The following KIF2A variants were observed in gnomAD, a reference collection of about 807,000 sequenced individuals.
KIF2A encodes the protein kinesin-like protein KIF2A.
Under a neutral mutation model 100.2 loss-of-function variants are expected in KIF2A, and 22 were observed. That is an observed-to-expected ratio of 0.22 (90% CI 0.16 to 0.31). The LOEUF is 0.31. Among genes scored for constraint, KIF2A ranks in the 10% least tolerant of loss-of-function variants. The pLI, the probability that KIF2A is intolerant of heterozygous loss-of-function variation, is 1.00. For synonymous variants in KIF2A, 268 were observed against 285.9 expected (o/e 0.94, Z 0.63); for missense variants, 495 against 898.7 (o/e 0.55, Z 5.74).
chr5:62,385,454 C>CTTA (rs1561285345), intron 20 of KIF2A, 30 bp from the exon 21 acceptor site: 2 of 1,477,504 alleles, frequency 1.4e-6, no homozygotes, highest in Admixed American at 3.9e-5. Flanking sequence ...TAATACAATA[C>CTTA]TTATTCCCTC....
At chr5:62,319,802 C>A (rs555233790) in intron 1 of KIF2A, among the ~76,000 whole-genome samples, 104 of 152,242 alleles carry the variant, frequency 6.8e-4, no homozygotes, top group South Asian at 1.5e-3. Context: ...TTAATGTATA[C>A]TTGTAATTTT....
At chr5:62,373,071 AT>A (rs960247625) in intron 17 of KIF2A, among the ~76,000 whole-genome samples, 1 of 151,196 alleles carries the variant, frequency 6.6e-6, no homozygotes, top group Non-Finnish European at 1.5e-5. Flanking sequence ...AAAAAAAAAA[AT>A]TTTTTTTAAA....
rs1742208697 is a variant in KIF2A at position 62,389,678 on chromosome 5, A to G, written c.*4109A>G. Among the ~76,000 whole-genome samples, 1 of 152,108 alleles carries G rather than the reference A, an allele frequency of 6.6e-6. No individual in the cohort carries two copies. On this transcript the variant is annotated 3_prime_UTR_variant, in exon 21 of 21. Coordinates refer to ENST00000407818, the MANE Select transcript of KIF2A (RefSeq NM_001098511.3). ...TTTGTTTCAAGGTAACTGAACAAGA[A>G]GCTGTTTGGAATTGGCAGAAGTCAG...
intron 9 of KIF2A, 99 bp downstream of exon 9, chr5:62,358,398 C>T: frequency 1.4e-6 from 1 of 713,866 alleles, no homozygotes; most frequent in Non-Finnish European, 2.3e-6. Context: ...TTAAGAGGTG[C>T]AATATGCTGT....
chr5:62,353,472 T>C (rs563200729), intron 6 of KIF2A, 97 bp downstream of exon 6: 1 of 521,958 alleles, frequency 1.9e-6, no homozygotes, highest in African/African-American at 2.0e-5. Flanking sequence ...TAAGGCATTT[T>C]TTTTGAAGAA....
intron 16 of KIF2A, among the ~76,000 whole-genome samples, chr5:62,367,631 A>T (rs1335648433): frequency 6.6e-6 from 1 of 152,154 alleles, no homozygotes; most frequent in Non-Finnish European, 1.5e-5. Flanking sequence ...AACATTATAA[A>T]CATTATAACT....
At chr5:62,345,285 G>A (rs1747500933) in intron 1 of KIF2A, among the ~76,000 whole-genome samples, 2 of 152,112 alleles carry the variant, frequency 1.3e-5, no homozygotes, top group Non-Finnish European at 2.9e-5. Context: ...CTACTTGGGA[G>A]GCTGAGGCAG....
intron 16 of KIF2A, among the ~76,000 whole-genome samples, chr5:62,369,615 TAAAG>T (rs952388841): frequency 6.6e-6 from 1 of 152,172 alleles, no homozygotes; most frequent in Non-Finnish European, 1.5e-5. Context: ...TCTCTAGGAA[TAAAG>T]ATTTTTAACC....
chr5:62,376,178 C>A (rs1741531467), intron 18 of KIF2A, among the ~76,000 whole-genome samples: 10 of 152,156 alleles, frequency 6.6e-5, no homozygotes, highest in Admixed American at 6.6e-4. Context: ...ATGACCAGAA[C>A]TAATCCAGGG....
rs981060930 is a variant in KIF2A, at chr5:62,390,749, C to T, written c.*5180C>T. 8 of 729,784 alleles carry T rather than the reference C, an allele frequency of 1.1e-5. No individual in the cohort carries two copies. The highest frequency in any genetic ancestry group is 2.2e-5 in the Admixed American group (1 of 44,940). The allele number at this position is 729,784 out of a possible 1,614,324, so 45.2% of individuals were successfully genotyped here. A position where few individuals can be genotyped will look rare whatever the true frequency, so the allele number is the denominator to read the frequency against. On this transcript the variant is annotated 3_prime_UTR_variant, in exon 21 of 21. Transcript: ENST00000407818. ...TTCTACACCAAATACTATTCCATGCCATGGAAGTGCTATGCAATAACTCTC... is the reference window on the plus strand; with the variant it reads ...TTCTACACCAAATACTATTCCATGCTATGGAAGTGCTATGCAATAACTCTC...
At position 62,388,928 on chromosome 5, in the gene KIF2A, G is replaced by C; in HGVS notation, c.*3359G>C. The C allele has an allele frequency of 7.6e-7, 1 of 1,320,456 alleles. No homozygotes were observed. The highest frequency in any genetic ancestry group is 1.1e-6 in the Non-Finnish European group (1 of 933,478). 81.8% of individuals were successfully genotyped at this position (1,320,456 alleles called of 1,614,324 possible). A position where few individuals can be genotyped will look rare whatever the true frequency, so the allele number is the denominator to read the frequency against. On this transcript the variant is annotated 3_prime_UTR_variant, in exon 21 of 21. Coordinates refer to ENST00000407818, the MANE Select transcript of KIF2A (RefSeq NM_001098511.3). Reference sequence around the variant, plus strand: ...GTCAAGTAAATAATGTCTCAGTAAAGCAAAAGCATTATCTTCTCAAATACA... The same window carrying C: ...GTCAAGTAAATAATGTCTCAGTAAACCAAAAGCATTATCTTCTCAAATACA...
At chr5:62,320,045 A>G (rs1746024256) in intron 1 of KIF2A, among the ~76,000 whole-genome samples, 2 of 152,154 alleles carry the variant, frequency 1.3e-5, no homozygotes, top group Admixed American at 1.3e-4. Context: ...CTGCTTATAT[A>G]TCTCTATCTA....
chr5:62,371,873 A>T (rs1382178953), intron 16 of KIF2A, among the ~76,000 whole-genome samples: 2 of 152,270 alleles, frequency 1.3e-5, no homozygotes, highest in East Asian at 3.8e-4. Flanking sequence ...GTTCTCAACC[A>T]GAGTTCTTCA....
At chr5:62,381,970 T>TC (rs1741791541) in intron 20 of KIF2A, among the ~76,000 whole-genome samples, 1 of 152,242 alleles carries the variant, frequency 6.6e-6, no homozygotes, top group Admixed American at 6.5e-5. Flanking sequence ...TTTTTGGTTT[T>TC]TTAGTTAGCT....
At position 62,390,758 on chromosome 5, in the gene KIF2A, G is replaced by A; in HGVS notation, c.*5189G>A. 1.3e-6 allele frequency: 1 copy of A among 770,154 alleles called. No individual in the cohort carries two copies. The allele number at this position is 770,154 out of a possible 1,614,324, so 47.7% of individuals were successfully genotyped here. Reference sequence around the variant, plus strand: ...AAATACTATTCCATGCCATGGAAGTGCTATGCAATAACTCTCCCAGGTAGC... The same window carrying A: ...AAATACTATTCCATGCCATGGAAGTACTATGCAATAACTCTCCCAGGTAGC... On this transcript the variant is annotated 3_prime_UTR_variant, in exon 21 of 21. Transcript: ENST00000407818.
Position 62,389,544 on chromosome 5 carries a change from TA to T in KIF2A, c.*3979del, listed in dbSNP as rs1742204053. 6.6e-6 allele frequency among the ~76,000 whole-genome samples: 1 copy of T among 151,380 alleles called. No homozygotes were observed. Among genetic ancestry groups the T allele is most frequent in the African/African-American group, 2.4e-5 (1 of 41,144 alleles). The stretch of plus-strand genomic sequence containing the variant: ...CTAAATTTATAAGATATGTATTGGT[TA>T]AAACCATGCCATGTTGGTGCCTCTT... On this transcript the variant is annotated 3_prime_UTR_variant, in exon 21 of 21. Transcript: ENST00000407818.
Position 62,306,652 on chromosome 5 carries a change from G to A in KIF2A, c.64+116G>A, listed in dbSNP as rs1227217460. 7 of 837,004 alleles carry A rather than the reference G, an allele frequency of 8.4e-6. No homozygotes were observed. The East Asian group carries it at 1.6e-4, about 19-fold the overall frequency. The allele number at this position is 837,004 out of a possible 1,614,324, so 51.8% of individuals were successfully genotyped here. Reference sequence around the variant, plus strand: ...CTTCGCCGGGCTGTGGGGGTGGGAAGGCGGCGGCCGCGGCGCTTTTGTGTG... The same window carrying A: ...CTTCGCCGGGCTGTGGGGGTGGGAAAGCGGCGGCCGCGGCGCTTTTGTGTG... On this transcript the variant is annotated intron_variant, in intron 1 of 20. Coordinates refer to ENST00000407818, the MANE Select transcript of KIF2A (RefSeq NM_001098511.3).
chr5:62,309,369 C>T (rs1745457763), intron 1 of KIF2A, among the ~76,000 whole-genome samples: 1 of 152,086 alleles, frequency 6.6e-6, no homozygotes, highest in Admixed American at 6.6e-5. Flanking sequence ...TTTTTATGTG[C>T]CTCAGATGCA....
At chr5:62,332,029 C>T (rs1179201130) in intron 1 of KIF2A, among the ~76,000 whole-genome samples, 2 of 152,172 alleles carry the variant, frequency 1.3e-5, no homozygotes, top group African/African-American at 2.4e-5. Flanking sequence ...CCAAATTATA[C>T]TTTATATGCT....
Sources: allele counts gnomAD v4.1 joint callset (sites outside exome capture counted in the v4.1 genomes callset), GRCh38; gene constraint gnomAD v4.1.1; transcripts MANE v1.5; gene names NCBI Gene and HGNC (gene_info 2026-07-23, HGNC 2026-07-21).